ANKRD30B: variants seen among roughly 807,000 people sequenced by gnomAD.
The protein encoded by ANKRD30B is ankyrin repeat domain-containing protein 30B.
In ANKRD30B, 144 loss-of-function variants were observed where a neutral mutation model predicts 202.2. The observed-to-expected ratio is 0.71, with a 90% CI of 0.62 to 0.82. The LOEUF is 0.82. ANKRD30B is among the 40% of genes least tolerant of loss of function. The pLI, the probability that ANKRD30B is intolerant of heterozygous loss-of-function variation, is 0.00. For missense variants in ANKRD30B, 1,487 were observed against 1,669.1 expected, an observed-to-expected ratio of 0.89 and a Z score of 1.90; for synonymous variants, 508 against 561.3, an observed-to-expected ratio of 0.91 and a Z score of 1.34.
At chr18:14,810,544 T>C (rs1214259147) in intron 28 of ANKRD30B, among the ~76,000 whole-genome samples, 3 of 151,240 alleles carry the variant, frequency 2.0e-5, no homozygotes, top group Admixed American at 6.6e-5. Context: ...GAGGAAAGTT[T>C]CACTTGCTGA....
In ANKRD30B at chr18:14,757,803, T is replaced by C. The variant is rs765297130; in HGVS notation, c.618-12T>C. ...ATTCTGCTCATAATAAGTTATCTCT[T>C]TGTTATTTTAGCACAGCCCTCATGC... On this transcript the variant is annotated splice_polypyrimidine_tract_variant and intron_variant, in intron 4 of 43. Coordinates refer to ENST00000690538, the MANE Select transcript of ANKRD30B (RefSeq NM_001367607.2). 2.5e-6 allele frequency: 4 copies of C among 1,609,848 alleles called. No homozygotes were observed. The South Asian group carries it at 4.4e-5, about 18-fold the overall frequency.
In ANKRD30B at chr18:14,852,225, C is replaced by A. The variant is rs754709936; in HGVS notation, c.4281C>A (p.Ser1427Arg). ...AGCAGAAATTATTTCAACTAGAAAG[C>A]AAAAATAGGTGGCTTCGACAGCAAT... ...SLEQKLFQLESKNRWLRQQLV... is the reference protein window; with the variant it reads ...SLEQKLFQLERKNRWLRQQLV... Residue 1427 changes from serine (S) to arginine (R), a missense_variant, in exon 42 of 44, where the codon AGC (serine) becomes AGA (arginine). Ser to Arg is a moderately radical substitution (Grantham distance 110). Around this residue, in one of 6 missense-constraint regions of ANKRD30B, gnomAD observed 182 missense variants for 216.0 expected, o/e 0.84. Transcript: ENST00000690538. The A allele has an allele frequency of 6.3e-6, 10 of 1,581,928 alleles. No homozygotes were observed. The African/African-American group carries it at 1.2e-4, about 19-fold the overall frequency.
At chr18:14,823,342 G>A (rs551599865) in intron 32 of ANKRD30B, among the ~76,000 whole-genome samples, 6 of 126,902 alleles carry the variant, frequency 4.7e-5, no homozygotes, top group African/African-American at 1.8e-4. Context: ...TTTTGACACT[G>A]TGAAATATTT....
chr18:14,853,174 A>G (rs2143282706), intron 42 of ANKRD30B, among the ~76,000 whole-genome samples: 1 of 152,112 alleles, frequency 6.6e-6, no homozygotes, highest in African/African-American at 2.4e-5. Flanking sequence ...TCAAGGCTCA[A>G]AAACTATCAT....
At chr18:14,895,914 T>C in the ANKRD30B span, among the ~76,000 whole-genome samples, 3 of 152,126 alleles carry the variant, frequency 2.0e-5, no homozygotes, top group Non-Finnish European at 4.4e-5. Context: ...TTTAAATCAG[T>C]GAAACTATTC....
At position 14,848,936 on chromosome 18, in the gene ANKRD30B, C is replaced by T. The variant is rs3878726; in HGVS notation, c.3395+7C>T. 0.52 allele frequency: 773,438 copies of T among 1,501,216 alleles called. 198,912 individuals are homozygous for T. Among genetic ancestry groups the T allele is most frequent in the African/African-American group, 0.55 (38,248 of 69,996 alleles). 93.0% of individuals were successfully genotyped at this position (1,501,216 alleles called of 1,614,324 possible). ...AAGAGCTCTGCAGTGTGAGGTATGACATCCTAGTTTTAAATAAATATTTCA... is the reference window on the plus strand; with the variant it reads ...AAGAGCTCTGCAGTGTGAGGTATGATATCCTAGTTTTAAATAAATATTTCA... On this transcript the variant is annotated splice_region_variant and intron_variant, in intron 40 of 43. Transcript: ENST00000690538.
At chr18:14,768,190 T>G (rs1475146456) in intron 7 of ANKRD30B, among the ~76,000 whole-genome samples, 1 of 152,142 alleles carries the variant, frequency 6.6e-6, no homozygotes, top group Non-Finnish European at 1.5e-5. Flanking sequence ...AAAGCTTTCT[T>G]TAGAACCCAG....
At chr18:14,939,833 C>T in the ANKRD30B span, among the ~76,000 whole-genome samples, 1 of 152,218 alleles carries the variant, frequency 6.6e-6, no homozygotes, top group Non-Finnish European at 1.5e-5. Context: ...CCAGGCATAG[C>T]ACGTGGAGGG....
intron 24 of ANKRD30B, among the ~76,000 whole-genome samples, chr18:14,804,814 C>A (rs996578202): frequency 6.7e-6 from 1 of 150,186 alleles, no homozygotes; most frequent in African/African-American, 2.5e-5. Context: ...GAACACAAGT[C>A]TAGTGATTAC....
chr18:14,834,879 A>G (rs933509211), intron 34 of ANKRD30B, among the ~76,000 whole-genome samples: 11 of 151,986 alleles, frequency 7.2e-5, no homozygotes, highest in Admixed American at 4.6e-4. Context: ...CTTATATTTA[A>G]TCTAGTCATA....
At position 14,808,411 on chromosome 18, in the gene ANKRD30B, A is replaced by G. The variant is rs540496430; in HGVS notation, c.2285-140A>G. The G allele has an allele frequency of 1.5e-4, 140 of 914,826 alleles. 6 individuals are homozygous for G. The East Asian group carries it at 1.9e-3, about 12-fold the overall frequency. The allele number at this position is 914,826 out of a possible 1,614,324, so 56.7% of individuals were successfully genotyped here. ...CATTGGCATGTTAACAAATACAAAA[A>G]CCCAAAAGACCCCAAAACCTAGTGT... On this transcript the variant is annotated intron_variant, in intron 24 of 43. Transcript: ENST00000690538.
At chr18:14,913,520 T>C in the ANKRD30B span, among the ~76,000 whole-genome samples, 3 of 152,356 alleles carry the variant, frequency 2.0e-5, no homozygotes, top group East Asian at 3.9e-4. Flanking sequence ...ATTCACACTC[T>C]CTTTTAGGAT....
chr18:14,939,013 G>A, the ANKRD30B span, among the ~76,000 whole-genome samples: 1 of 152,284 alleles, frequency 6.6e-6, no homozygotes, highest in East Asian at 1.9e-4. Context: ...CTAGGCCAGG[G>A]TTCTGGCAGC....
chr18:14,759,826 A>T (rs1914971769), intron 5 of ANKRD30B, among the ~76,000 whole-genome samples: 1 of 152,274 alleles, frequency 6.6e-6, no homozygotes, highest in African/African-American at 2.4e-5. Flanking sequence ...AGAGCATCTA[A>T]TAACCAAAAG....
the ANKRD30B span, among the ~76,000 whole-genome samples, chr18:14,899,150 G>T: frequency 7.9e-5 from 12 of 151,962 alleles, 1 homozygote; most frequent in South Asian, 2.3e-3. Flanking sequence ...TTTGTTTTAG[G>T]TTAGTATATT....
chr18:14,939,575 G>A, the ANKRD30B span, among the ~76,000 whole-genome samples: 2 of 152,166 alleles, frequency 1.3e-5, no homozygotes, highest in African/African-American at 4.8e-5. Flanking sequence ...GAAACAGAGT[G>A]GTCTTGAGTC....
At chr18:14,822,798 A>T in intron 32 of ANKRD30B, 121 bp downstream of exon 32, 1 of 1,298,808 alleles carries the variant, frequency 7.7e-7, no homozygotes, top group South Asian at 1.5e-5. Flanking sequence ...AATTTGACAC[A>T]AATAATGCCA....
chr18:14,803,581 T>C, intron 23 of ANKRD30B, 153 bp from the exon 24 acceptor site: 1 of 730,004 alleles, frequency 1.4e-6, no homozygotes. Flanking sequence ...TCTATCAGAA[T>C]GTTTTGGGTT....
At chr18:14,831,181 G>GAAAAAAAA (rs71305894) in intron 33 of ANKRD30B, among the ~76,000 whole-genome samples, 18 of 52,348 alleles carry the variant, frequency 3.4e-4, no homozygotes, top group East Asian at 1.4e-3. Context: ...CTCCGTCTCG[G>GAAAAAAAA]AAAAAAAAAA....
Sources: gnomAD v4.1 joint callset for allele counts (sites outside exome capture counted in the v4.1 genomes callset) on GRCh38, gnomAD v4.1.1 for gene constraint, gnomAD v4.1.1 regional missense constraint, MANE v1.5 for transcripts, NCBI Gene and HGNC (gene_info 2026-07-23, HGNC 2026-07-21) for gene names.